Variants in COL4A1 observed in about 807,000 individuals in gnomAD.
The protein encoded by COL4A1 is collagen type IV alpha 1 chain.
In COL4A1, 40 loss-of-function variants were observed where a neutral mutation model predicts 216.6. The ratio of observed to expected loss-of-function variants is 0.18; its 90% CI spans 0.14 to 0.24. COL4A1 has a LOEUF of 0.24. COL4A1 is among the 10% of genes least tolerant of loss of function. The pLI, the probability that COL4A1 is intolerant of heterozygous loss-of-function variation, is 1.00. For missense variants in COL4A1, 1,628 were observed against 2,196.8 expected, an observed-to-expected ratio of 0.74 and a Z score of 5.18; for synonymous variants, 839 against 810.7, an observed-to-expected ratio of 1.03 and a Z score of -0.59.
intron 11 of COL4A1, among the ~76,000 whole-genome samples, chr13:110,209,161 G>A (rs1009872675): frequency 5.5e-3 from 2 of 362 alleles, no homozygotes; most frequent in African/African-American, 5.7e-3. Context: ...GGAAATATCA[G>A]TGTGATTCCA....
At position 110,285,392 on chromosome 13, in the gene COL4A1, C is replaced by T. The variant is rs143940737; in HGVS notation, c.84+21552G>A. ...ACAGAGTTTTGGCTCTGCCTTTGTA[C>T]CTTACACATTTAGGAACAGCAGCCC... On this transcript the variant is annotated intron_variant, in intron 1 of 51. Transcript: ENST00000375820. Among the ~76,000 whole-genome samples, 167 of 152,312 alleles carry T rather than the reference C, an allele frequency of 1.1e-3. 1 individual carries two copies. The highest frequency in any genetic ancestry group is 3.8e-3 in the African/African-American group (160 of 41,566).
intron 21 of COL4A1, among the ~76,000 whole-genome samples, chr13:110,196,013 G>C (rs1878871154): frequency 6.6e-6 from 1 of 152,186 alleles, no homozygotes; most frequent in Non-Finnish European, 1.5e-5. Flanking sequence ...CCTCGGGCTT[G>C]AATATATTAA....
At chr13:110,269,096 A>C (rs1883151016) in intron 1 of COL4A1, among the ~76,000 whole-genome samples, 1 of 152,228 alleles carries the variant, frequency 6.6e-6, no homozygotes, top group African/African-American at 2.4e-5. Context: ...CTACTAACAA[A>C]GGGCTGTGCA....
intron 1 of COL4A1, among the ~76,000 whole-genome samples, chr13:110,302,564 G>T (rs2139325291): frequency 6.6e-6 from 1 of 152,300 alleles, no homozygotes; most frequent in East Asian, 1.9e-4. Flanking sequence ...AAGAGCGCTA[G>T]GAGGGACCCA....
In COL4A1 at chr13:110,176,967, G is replaced by A. The variant is rs1264014056; in HGVS notation, c.2787C>T (p.Val929=). Residue 929 remains valine (V), a synonymous_variant, in exon 34 of 52, where the codon GTC becomes GTT. Transcript: ENST00000375820. ...TGGAGCCAGGCTTGCCAGGGAGACC[G>A]ACATCCCCCTTATCACCTTTCAAGC... The part of the protein sequence containing the change: ...DPGLKGDKGD[V]GLPGKPGSMD... The A allele has an allele frequency of 5.6e-6, 9 of 1,614,118 alleles. No homozygotes were observed. Among genetic ancestry groups the A allele is most frequent in the South Asian group, 3.3e-5 (3 of 91,082 alleles).
chr13:110,254,108 C>T (rs1203631108), intron 1 of COL4A1, among the ~76,000 whole-genome samples: 7 of 152,126 alleles, frequency 4.6e-5, no homozygotes. Flanking sequence ...AGAAGAACTC[C>T]CAACTGGGTC....
intron 1 of COL4A1, among the ~76,000 whole-genome samples, chr13:110,283,670 T>G (rs1883727392): frequency 6.6e-6 from 1 of 152,124 alleles, no homozygotes; most frequent in South Asian, 2.1e-4. Flanking sequence ...CTCACACTCA[T>G]GCACACACCC....
At chr13:110,153,927 A>G (rs1289354964) in intron 50 of COL4A1, among the ~76,000 whole-genome samples, 3 of 152,198 alleles carry the variant, frequency 2.0e-5, no homozygotes, top group African/African-American at 7.2e-5. Flanking sequence ...GAGACCCTCC[A>G]CACGGCTGGG....
At position 110,170,133 on chromosome 13, in the gene COL4A1, G is replaced by GGAAAGAAGGAAGGAAGGAAGGAAA. The variant is rs1555302353; in HGVS notation, c.3743-372_3743-371insTTTCCTTCCTTCCTTCCTTCTTTC. Among the ~76,000 whole-genome samples the GGAAAGAAGGAAGGAAGGAAGGAAA allele has an allele frequency of 5.0e-3, 322 of 64,472 alleles. 3 individuals carry two copies. Among genetic ancestry groups the GGAAAGAAGGAAGGAAGGAAGGAAA allele is most frequent in the African/African-American group, 0.012 (313 of 25,434 alleles). The allele number at this position is 64,472 out of a possible 152,430, so 42.3% of individuals were successfully genotyped here. ...AGGAAAGAAGGAAGGAAGGAAGGAA[G>GGAAAGAAGGAAGGAAGGAAGGAAA]GAAGGAAGGAAGGAAGGACAGACAT... On this transcript the variant is annotated intron_variant, in intron 42 of 51. Transcript: ENST00000375820.
At chr13:110,179,183 A>G in intron 30 of COL4A1, 88 bp downstream of exon 30, 1 of 1,584,620 alleles carries the variant, frequency 6.3e-7, no homozygotes, top group South Asian at 1.1e-5. Flanking sequence ...ACAAATACAT[A>G]TCAAATATAC....
At chr13:110,269,276 ATAATT>A (rs1883156519) in intron 1 of COL4A1, among the ~76,000 whole-genome samples, 1 of 152,230 alleles carries the variant, frequency 6.6e-6, no homozygotes, top group Non-Finnish European at 1.5e-5. Flanking sequence ...TGTTTATGAT[ATAATT>A]TAATAATATA....
At chr13:110,210,799 C>T (rs1426654740) in intron 8 of COL4A1, among the ~76,000 whole-genome samples, 1 of 152,116 alleles carries the variant, frequency 6.6e-6, no homozygotes, top group Non-Finnish European at 1.5e-5. Flanking sequence ...GAAGGTCTTA[C>T]AGGATAAAAG....
At chr13:110,200,492 C>T (rs911781381) in intron 20 of COL4A1, among the ~76,000 whole-genome samples, 2 of 152,114 alleles carry the variant, frequency 1.3e-5, no homozygotes, top group African/African-American at 4.8e-5. Flanking sequence ...AGGAAGGCGC[C>T]TGACTGTGCT....
chr13:110,292,286 C>T (rs1884119378), intron 1 of COL4A1, among the ~76,000 whole-genome samples: 1 of 152,198 alleles, frequency 6.6e-6, no homozygotes, highest in African/African-American at 2.4e-5. Context: ...GATAAAAGTT[C>T]CAGGCATTGT....
At chr13:110,205,653 A>T (rs970461000) in intron 15 of COL4A1, 115 bp from the exon 16 acceptor site, 2 of 1,115,536 alleles carry the variant, frequency 1.8e-6, no homozygotes, top group Admixed American at 1.7e-5. Context: ...ACCTGAGGTC[A>T]GGAGTTCGAG....
intron 1 of COL4A1, among the ~76,000 whole-genome samples, chr13:110,291,345 T>C (rs953386): frequency 0.79 from 120,344 of 152,186 alleles, 48,113 homozygotes; most frequent in East Asian, 0.93. Context: ...TAGGAGGCAA[T>C]GGCGAGGGAG....
chr13:110,280,933 G>A (rs969968490), intron 1 of COL4A1, among the ~76,000 whole-genome samples: 2 of 151,530 alleles, frequency 1.3e-5, no homozygotes, highest in East Asian at 1.9e-4. Flanking sequence ...TACTTAGATC[G>A]CCGTATTATA....
At chr13:110,190,039 G>A (rs1350593708) in intron 24 of COL4A1, among the ~76,000 whole-genome samples, 1 of 152,108 alleles carries the variant, frequency 6.6e-6, no homozygotes, top group Non-Finnish European at 1.5e-5. Context: ...TTATTTTATG[G>A]TGATTACTCA....
intron 1 of COL4A1, among the ~76,000 whole-genome samples, chr13:110,279,508 TCCTGAA>T (rs1282979247): frequency 3.9e-5 from 6 of 152,176 alleles, no homozygotes; most frequent in African/African-American, 1.4e-4. Context: ...GTTCCCCATA[TCCTGAA>T]CCTGTGTTAG....
Sources: gnomAD v4.1 joint callset for allele counts (sites outside exome capture counted in the v4.1 genomes callset) on GRCh38, gnomAD v4.1.1 for gene constraint, MANE v1.5 for transcripts, NCBI Gene and HGNC (gene_info 2026-07-23, HGNC 2026-07-21) for gene names.